UGT2B28: variants seen among roughly 807,000 people sequenced by gnomAD.
UGT2B28 encodes UDP glucuronosyltransferase family 2 member B28.
Under a neutral mutation model 43.6 loss-of-function variants are expected in UGT2B28, and 45 were observed. The observed-to-expected ratio is 1.03, with a 90% CI of 0.81 to 1.32. The LOEUF is 1.32. Ranked by LOEUF, UGT2B28 falls within the 40% of genes most tolerant of loss-of-function variation. The probability of loss-of-function intolerance (pLI) is 0.00; values close to 1 mark genes in which losing one functional copy is unlikely to be tolerated. For missense variants in UGT2B28, 649 were observed against 625.5 expected (o/e 1.04, Z -0.40); for synonymous variants, 204 against 208.1 (o/e 0.98, Z 0.17).
rs550888210 is a variant in UGT2B28, at chr4:69,285,507, G to C, written c.871-1245G>C. Among the ~76,000 whole-genome samples, 15 of 138,244 alleles carry C rather than the reference G, an allele frequency of 1.1e-4. 3 individuals carry two copies. The highest frequency in any genetic ancestry group is 4.3e-4 in the African/African-American group (15 of 35,252). The allele number at this position is 138,244 out of a possible 152,430, so 90.7% of individuals were successfully genotyped here. A position where few individuals can be genotyped will look rare whatever the true frequency, so the allele number is the denominator to read the frequency against. The stretch of plus-strand genomic sequence containing the variant: ...CGAGTCACATTAAATGTGGTTACAG[G>C]TAACTGCAATCACACACAACACCTA... On this transcript the variant is annotated intron_variant, in intron 2 of 5. Transcript: ENST00000335568.
intron 2 of UGT2B28, among the ~76,000 whole-genome samples, chr4:69,283,290 G>T (rs187537542): frequency 7.2e-6 from 1 of 139,336 alleles, no homozygotes; most frequent in African/African-American, 2.8e-5. Flanking sequence ...TTTAGGGAAT[G>T]ATTAAGAATC....
Position 69,281,167 on chromosome 4 carries a change from T to C in UGT2B28, c.667T>C (p.Trp223Arg). The C allele has an allele frequency of 6.5e-7, 1 of 1,548,188 alleles. No homozygotes were observed. Among genetic ancestry groups the C allele is most frequent in the South Asian group, 1.2e-5 (1 of 81,520 alleles). Reference sequence around the variant, plus strand: ...GATCTATGTGCTTTATTTTGACTTTTGGTTCCAAATGTGTGATATGAAGAA... The same window carrying C: ...GATCTATGTGCTTTATTTTGACTTTCGGTTCCAAATGTGTGATATGAAGAA... The part of the protein sequence containing the change: ...NMIYVLYFDF[W>R]FQMCDMKKWD... The change falls in exon 1 of 6, where the codon TGG becomes CGG. Residue 223 changes from tryptophan to arginine, a missense_variant. Transcript: ENST00000335568.
chr4:69,285,222 A>C (rs1027299816), intron 2 of UGT2B28, among the ~76,000 whole-genome samples: 6 of 140,372 alleles, frequency 4.3e-5, no homozygotes, highest in African/African-American at 8.3e-5. Context: ...AAATAGGACA[A>C]AATCCATAAT....
In UGT2B28 at chr4:69,290,894, A is replaced by G; in HGVS notation, c.1310+83A>G. ...AGTGAGCATGAGTTTCATCCTTTTT[A>G]TAAGAGAGTAATCTTGAAAGAATTT... is the stretch of plus-strand genomic sequence containing the variant. On this transcript the variant is annotated intron_variant, in intron 5 of 5. Transcript: ENST00000335568. 3 of 1,390,424 alleles carry G rather than the reference A, an allele frequency of 2.2e-6. 1 individual carries two copies. Among genetic ancestry groups the G allele is most frequent in the East Asian group, 2.4e-5 (1 of 41,650 alleles). The allele number at this position is 1,390,424 out of a possible 1,614,324, so 86.1% of individuals were successfully genotyped here.
rs1290291578 is a variant in UGT2B28 at position 69,289,023 on chromosome 4, C to A, written c.1003-642C>A. On this transcript the variant is annotated intron_variant, in intron 3 of 5. Transcript: ENST00000335568. ...CATTTAGGTTGACTGCATGTCCTTG[C>A]TATTGTGAATAGTACTGCAACTAAC... Among the ~76,000 whole-genome samples the A allele has an allele frequency of 1.4e-5, 2 of 140,054 alleles. 1 individual carries two copies. The highest frequency in any genetic ancestry group is 5.6e-5 in the African/African-American group (2 of 35,778). 91.9% of individuals were successfully genotyped at this position (140,054 alleles called of 152,430 possible).
Position 69,284,685 on chromosome 4 carries a change from C to G in UGT2B28, c.870+2023C>G, listed in dbSNP as rs1259678671. 2.9e-5 allele frequency among the ~76,000 whole-genome samples: 4 copies of G among 140,220 alleles called. 1 individual carries two copies. Among genetic ancestry groups the G allele is most frequent in the Non-Finnish European group, 4.6e-5 (3 of 65,700 alleles). The allele number at this position is 140,220 out of a possible 152,430, so 92.0% of individuals were successfully genotyped here. A position where few individuals can be genotyped will look rare whatever the true frequency, so the allele number is the denominator to read the frequency against. ...AGTACAATAGTGGTAATTACTAATA[C>G]TAGGTCTTGTTATTAACTTGCAGAA... On this transcript the variant is annotated intron_variant, in intron 2 of 5. Coordinates refer to ENST00000335568, the MANE Select transcript of UGT2B28 (RefSeq NM_053039.2).
Position 69,290,631 on chromosome 4 carries a change from C to G in UGT2B28, c.1130C>G (p.Ala377Gly). ...KTRAFITHGGANGIYEAIYHG... is the reference protein window; with the variant it reads ...KTRAFITHGGGNGIYEAIYHG... ...AGAGCTTTTATAACTCATGGTGGAG[C>G]CAATGGCATCTATGAGGCAATCTAC... Residue 377 changes from alanine (A) to glycine (G), a missense_variant, in exon 5 of 6, where the codon GCC (alanine) becomes GGC (glycine). Transcript: ENST00000335568. The G allele has an allele frequency of 1.3e-6, 2 of 1,559,190 alleles. No individual in the cohort carries two copies. Among genetic ancestry groups the G allele is most frequent in the African/African-American group, 1.5e-5 (1 of 65,970 alleles).
Position 69,289,815 on chromosome 4 carries a change from T to C in UGT2B28, c.1090+63T>C, listed in dbSNP as rs370167316. ...ACTGCACATTAGAATGTTAATAGTT[T>C]ATCTTGAAACATGCTTATTGAATAT... is the stretch of plus-strand genomic sequence containing the variant. On this transcript the variant is annotated intron_variant, in intron 4 of 5. Coordinates refer to ENST00000335568, the MANE Select transcript of UGT2B28 (RefSeq NM_053039.2). 1.4e-3 allele frequency: 1,911 copies of C among 1,393,400 alleles called. 198 individuals carry two copies. Among genetic ancestry groups the C allele is most frequent in the South Asian group, 4.1e-3 (298 of 72,136 alleles). The allele number at this position is 1,393,400 out of a possible 1,614,324, so 86.3% of individuals were successfully genotyped here.
Position 69,294,309 on chromosome 4 carries a change from C to A in UGT2B28, c.1311-221C>A, listed in dbSNP as rs753181587. Among the ~76,000 whole-genome samples, 12 of 138,756 alleles carry A rather than the reference C, an allele frequency of 8.6e-5. 3 individuals are homozygous for A. Among genetic ancestry groups the A allele is most frequent in the Admixed American group, 2.9e-4 (4 of 13,822 alleles). 91.0% of individuals were successfully genotyped at this position (138,756 alleles called of 152,430 possible). A position where few individuals can be genotyped will look rare whatever the true frequency, so the allele number is the denominator to read the frequency against. On this transcript the variant is annotated intron_variant, in intron 5 of 5. Coordinates refer to ENST00000335568, the MANE Select transcript of UGT2B28 (RefSeq NM_053039.2). ...TGCTTGAAAAAAATTAATTTTCTCA[C>A]CTGACCTTCCATTTCTGCTTTAAAA...
chr4:69,293,686 G>C (rs777020047), intron 5 of UGT2B28, among the ~76,000 whole-genome samples: 2 of 139,878 alleles, frequency 1.4e-5, no homozygotes, highest in Non-Finnish European at 3.0e-5. Flanking sequence ...ACCTTTGGAA[G>C]CTTAAAGAAA....
rs182643197 is a variant in UGT2B28, at chr4:69,294,410, C to G, written c.1311-120C>G. ...ACTCAAATTAAAATACACAAATTCT[C>G]TGTCAATTCTTTCAAATTTACTTTG... is the stretch of plus-strand genomic sequence containing the variant. On this transcript the variant is annotated intron_variant, in intron 5 of 5. Transcript: ENST00000335568. 3.6e-3 allele frequency: 3,863 copies of G among 1,073,650 alleles called. 292 individuals are homozygous for G. The highest frequency in any genetic ancestry group is 4.7e-3 in the Admixed American group (131 of 27,586). The allele number at this position is 1,073,650 out of a possible 1,614,324, so 66.5% of individuals were successfully genotyped here.
At chr4:69,293,635 G>A (rs1161210165) in intron 5 of UGT2B28, among the ~76,000 whole-genome samples, 1 of 139,330 alleles carries the variant, frequency 7.2e-6, no homozygotes, top group Non-Finnish European at 1.5e-5. Context: ...TCCAAGAGCA[G>A]GAGAGAAGGA....
chr4:69,281,221 G>C lies in UGT2B28; in HGVS notation c.721G>C (p.Gly241Arg). Residue 241 changes from glycine (G) to arginine (R), a missense_variant and splice_region_variant, in exon 1 of 6, where the codon GGA (glycine) becomes CGA (arginine). By Grantham distance (125) the Gly-to-Arg change is moderately radical. Transcript: ENST00000335568. ...KWDQFYSEVLGRPTTLFETMG... is the reference protein window; with the variant it reads ...KWDQFYSEVLRRPTTLFETMG... ...GGATCAGTTTTACAGTGAAGTTTTAGGTAAGAATTTGTTTAATCGGGAACT... is the reference window on the plus strand; with the variant it reads ...GGATCAGTTTTACAGTGAAGTTTTACGTAAGAATTTGTTTAATCGGGAACT... 1 of 1,493,394 alleles carries C rather than the reference G, an allele frequency of 6.7e-7. No individual in the cohort carries two copies. The highest frequency in any genetic ancestry group is 8.9e-7 in the Non-Finnish European group (1 of 1,126,918). The allele number at this position is 1,493,394 out of a possible 1,614,324, so 92.5% of individuals were successfully genotyped here.
intron 1 of UGT2B28, among the ~76,000 whole-genome samples, chr4:69,281,657 T>A (rs1723614234): frequency 7.1e-6 from 1 of 140,658 alleles, no homozygotes; most frequent in South Asian, 2.4e-4. Context: ...TTTTTAGGTA[T>A]TAAAAGATAT....
chr4:69,285,111 A>G (rs1445694558), intron 2 of UGT2B28, among the ~76,000 whole-genome samples: 3 of 139,878 alleles, frequency 2.1e-5, no homozygotes, highest in Non-Finnish European at 3.0e-5. Context: ...GAGTTAGAAA[A>G]TGATAAATAT....
At position 69,290,962 on chromosome 4, in the gene UGT2B28, T is replaced by C. The variant is rs1453969753; in HGVS notation, c.1310+151T>C. On this transcript the variant is annotated intron_variant, in intron 5 of 5. Coordinates refer to ENST00000335568, the MANE Select transcript of UGT2B28 (RefSeq NM_053039.2). ...TGAAATCTGCTTTGTTTTTTATCTG[T>C]TATTTAAAAATTGTGCTTGAATCCC... The C allele has an allele frequency of 5.2e-6, 6 of 1,152,718 alleles. 1 individual carries two copies. The African/African-American group carries it at 5.5e-5, about 11-fold the overall frequency. 71.4% of individuals were successfully genotyped at this position (1,152,718 alleles called of 1,614,324 possible). A position where few individuals can be genotyped will look rare whatever the true frequency, so the allele number is the denominator to read the frequency against.
rs2109679633 is a variant in UGT2B28, at chr4:69,280,610, T to C, written c.110T>C (p.Met37Thr). 1 of 1,560,986 alleles carries C rather than the reference T, an allele frequency of 6.4e-7. No individual in the cohort carries two copies. The highest frequency in any genetic ancestry group is 8.7e-7 in the Non-Finnish European group (1 of 1,155,948). ...TGGACCGGTGAATACAGCCATTGGATGAATATGAAGACAATCCTGAAAGAG... is the reference window on the plus strand; with the variant it reads ...TGGACCGGTGAATACAGCCATTGGACGAATATGAAGACAATCCTGAAAGAG... ...LVWTGEYSHW[M>T]NMKTILKELV... The change falls in exon 1 of 6, where the codon ATG becomes ACG. Residue 37 changes from methionine to threonine, a missense_variant. By Grantham distance (81) the Met-to-Thr change is moderately conservative. Transcript: ENST00000335568.
In UGT2B28 at chr4:69,280,579, C is replaced by A; in HGVS notation, c.79C>A (p.Leu27Met). 2 of 1,560,386 alleles carry A rather than the reference C, an allele frequency of 1.3e-6. No individual in the cohort carries two copies. Among genetic ancestry groups the A allele is most frequent in the Non-Finnish European group, 1.7e-6 (2 of 1,155,724 alleles). The change falls in exon 1 of 6, where the codon CTG becomes ATG. Residue 27 changes from leucine to methionine, a missense_variant. Transcript: ENST00000335568. Reference sequence around the variant, plus strand: ...TAGCTCTGGGAGTTGTGGAAAGGTGCTGGTGTGGACCGGTGAATACAGCCA... The same window carrying A: ...TAGCTCTGGGAGTTGTGGAAAGGTGATGGTGTGGACCGGTGAATACAGCCA... ...YFSSGSCGKVLVWTGEYSHWM... is the reference protein window; with the variant it reads ...YFSSGSCGKVMVWTGEYSHWM...
chr4:69,290,447 T>C, intron 4 of UGT2B28, 145 bp from the exon 5 acceptor site: 1 of 1,093,464 alleles, frequency 9.1e-7, no homozygotes, highest in Non-Finnish European at 1.3e-6. Flanking sequence ...CCTAAACAAG[T>C]ACGTGTTTAT....
Sources: gnomAD v4.1 joint callset for allele counts (sites outside exome capture counted in the v4.1 genomes callset) on GRCh38, gnomAD v4.1.1 for gene constraint, MANE v1.5 for transcripts, NCBI Gene and HGNC (gene_info 2026-07-23, HGNC 2026-07-21) for gene names.